PARVA: variants seen among roughly 807,000 people sequenced by gnomAD.
PARVA encodes the protein parvin alpha.
PARVA carries 25 observed loss-of-function variants against 52.6 expected under a neutral mutation model. That is an observed-to-expected ratio of 0.48 (90% CI 0.35 to 0.66). The LOEUF (loss-of-function observed/expected upper bound fraction) is 0.66, where lower values mean the gene tolerates loss of function less well. PARVA is among the 30% of genes least tolerant of loss of function. The pLI is 0.01. For missense variants in PARVA, 373 were observed against 450.9 expected (o/e 0.83, Z 1.56); for synonymous variants, 185 against 179.1 (o/e 1.03, Z -0.26).
At chr11:12,379,850 C>CT (rs1479966049) in intron 1 of PARVA, among the ~76,000 whole-genome samples, 19 of 152,330 alleles carry the variant, frequency 1.2e-4, no homozygotes, top group African/African-American at 4.3e-4. Context: ...TTGGGAAGCT[C>CT]TTTTCTAGAC....
rs780636670 is a variant in PARVA at position 12,504,423 on chromosome 11, G to A, written c.651G>A (p.Val217=). ...LPDHVSIQVV[V]VQKREGILQS... ...ACCATGTTTCCATCCAAGTGGTTGT[G>A]GTCCAGGTAAGACAGGTAACACTAC... Residue 217 remains valine (V), a synonymous_variant, in exon 6 of 13, where the codon GTG becomes GTA. Transcript: ENST00000334956. 1 of 1,605,516 alleles carries A rather than the reference G, an allele frequency of 6.2e-7. No homozygotes were observed. Among genetic ancestry groups the A allele is most frequent in the Non-Finnish European group, 8.5e-7 (1 of 1,172,466 alleles).
At chr11:12,434,045 C>T (rs1589955694) in intron 1 of PARVA, among the ~76,000 whole-genome samples, 1 of 152,152 alleles carries the variant, frequency 6.6e-6, no homozygotes, top group Non-Finnish European at 1.5e-5. Context: ...TGCCTTACCT[C>T]GATGGCTCAG....
chr11:12,486,858 A>C (rs1331494666), intron 4 of PARVA, among the ~76,000 whole-genome samples: 3 of 152,186 alleles, frequency 2.0e-5, no homozygotes, highest in African/African-American at 7.2e-5. Flanking sequence ...AACAATAAAT[A>C]AAATAAAGGA....
chr11:12,527,844 C>A lies in PARVA; in HGVS notation c.1043-5C>A. 1 of 1,606,510 alleles carries A rather than the reference C, an allele frequency of 6.2e-7. No individual in the cohort carries two copies. The highest frequency in any genetic ancestry group is 8.5e-7 in the Non-Finnish European group (1 of 1,175,488). ...AACAATTGGTGTTTTTTGTTTTCTA[C>A]GCAGACATAGTCAACTGTGACCTGA... is the stretch of plus-strand genomic sequence containing the variant. On this transcript the variant is annotated splice_region_variant and splice_polypyrimidine_tract_variant and intron_variant, in intron 12 of 12. Coordinates refer to ENST00000334956, the MANE Select transcript of PARVA (RefSeq NM_018222.5).
chr11:12,377,306 G>C, upstream of PARVA: 1 of 723,918 alleles, frequency 1.4e-6, no homozygotes, highest in South Asian at 2.8e-5. Context: ...TGGGGACAGA[G>C]CCTGGGTAAA....
Position 12,533,888 on chromosome 11 carries a change from G to T in PARVA, c.*5963G>T, listed in dbSNP as rs1453132726. ...GCAGAGGCAGAAAAAAAATCCATGG[G>T]CCGAGCACGGTGGCTCACACCTGTA... On this transcript the variant is annotated 3_prime_UTR_variant, in exon 13 of 13. Transcript: ENST00000334956. Among the ~76,000 whole-genome samples, 3 of 151,912 alleles carry T rather than the reference G, an allele frequency of 2.0e-5. No individual in the cohort carries two copies. Among genetic ancestry groups the T allele is most frequent in the Admixed American group, 6.6e-5 (1 of 15,242 alleles).
At chr11:12,486,235 G>A (rs1191961553) in intron 4 of PARVA, among the ~76,000 whole-genome samples, 1 of 152,158 alleles carries the variant, frequency 6.6e-6, no homozygotes, top group African/African-American at 2.4e-5. Flanking sequence ...AAAATGAAAA[G>A]TCTATTTAAA....
At chr11:12,391,415 T>C (rs541612504) in intron 1 of PARVA, among the ~76,000 whole-genome samples, 5 of 152,306 alleles carry the variant, frequency 3.3e-5, no homozygotes, top group African/African-American at 9.6e-5. Context: ...TTTAAGTAAT[T>C]TGGGCTCCCA....
At chr11:12,412,172 C>T (rs990296337) in intron 1 of PARVA, among the ~76,000 whole-genome samples, 2 of 152,220 alleles carry the variant, frequency 1.3e-5, no homozygotes, top group African/African-American at 4.8e-5. Flanking sequence ...TCTTCCTGTA[C>T]ACTGGAAGCT....
intron 1 of PARVA, among the ~76,000 whole-genome samples, chr11:12,445,705 G>C (rs1940535318): frequency 6.6e-6 from 1 of 152,178 alleles, no homozygotes. Flanking sequence ...ATTGCTTAGA[G>C]TTGATAGGGG....
rs1939965875 is a variant in PARVA, at chr11:12,409,697, C to T, written c.136+31914C>T. Among the ~76,000 whole-genome samples the T allele has an allele frequency of 1.3e-5, 2 of 152,182 alleles. 1 individual carries two copies. Among genetic ancestry groups the T allele is most frequent in the South Asian group, 4.1e-4 (2 of 4,824 alleles). The stretch of plus-strand genomic sequence containing the variant: ...GAAATGGATTCTCCCCTAGAGCCCT[C>T]AGAACGGAATGCAGCCCTGCCAGCA... On this transcript the variant is annotated intron_variant, in intron 1 of 12. Transcript: ENST00000334956.
Position 12,378,732 on chromosome 11 carries a change from A to G in PARVA, c.136+949A>G, listed in dbSNP as rs114202602. Among the ~76,000 whole-genome samples, 492 of 151,624 alleles carry G rather than the reference A, an allele frequency of 3.2e-3. 1 individual carries two copies. Among genetic ancestry groups the G allele is most frequent in the African/African-American group, 0.012 (478 of 41,286 alleles). On this transcript the variant is annotated intron_variant, in intron 1 of 12. Coordinates refer to ENST00000334956, the MANE Select transcript of PARVA (RefSeq NM_018222.5). The stretch of plus-strand genomic sequence containing the variant: ...GTAGATAGAAGTTGCTGAGTTAAAC[A>G]TTTTTGTTTTAAACATTTTTTAGTT...
At chr11:12,431,237 A>T (rs1386131691) in intron 1 of PARVA, among the ~76,000 whole-genome samples, 3 of 152,234 alleles carry the variant, frequency 2.0e-5, no homozygotes, top group African/African-American at 7.2e-5. Flanking sequence ...ATCTAGCAAC[A>T]GCAAGTGCTT....
At position 12,485,143 on chromosome 11, in the gene PARVA, GAA is replaced by G. The variant is rs534215744; in HGVS notation, c.400+7198_400+7199del. ...GGGGCATTTTGAATGGGGCCTTACA[GAA>G]AAAGATTCTCAACCATATGAGGAAG... On this transcript the variant is annotated intron_variant, in intron 4 of 12. Coordinates refer to ENST00000334956, the MANE Select transcript of PARVA (RefSeq NM_018222.5). 1.9e-3 allele frequency among the ~76,000 whole-genome samples: 292 copies of G among 152,276 alleles called. 1 individual carries two copies. Among genetic ancestry groups the G allele is most frequent in the African/African-American group, 6.7e-3 (278 of 41,566 alleles).
At chr11:12,469,593 G>C (rs1225243348) in intron 1 of PARVA, among the ~76,000 whole-genome samples, 6 of 152,184 alleles carry the variant, frequency 3.9e-5, no homozygotes, top group African/African-American at 1.2e-4. Context: ...GCTGTTTTGG[G>C]AAAGTGGCCA....
chr11:12,380,970 T>C (rs1053565630), intron 1 of PARVA, among the ~76,000 whole-genome samples: 4 of 152,214 alleles, frequency 2.6e-5, no homozygotes, highest in African/African-American at 9.7e-5. Flanking sequence ...ATCCCTGTTA[T>C]ATTTCACTGT....
At chr11:12,471,105 A>G (rs779798635) in intron 1 of PARVA, among the ~76,000 whole-genome samples, 3 of 152,238 alleles carry the variant, frequency 2.0e-5, no homozygotes, top group Admixed American at 6.5e-5. Flanking sequence ...GGCGTGAACC[A>G]TGGTGTAAAC....
intron 1 of PARVA, among the ~76,000 whole-genome samples, chr11:12,423,145 C>T (rs1275388644): frequency 1.3e-5 from 2 of 151,560 alleles, no homozygotes; most frequent in African/African-American, 2.4e-5. Flanking sequence ...TGAGCCACCT[C>T]GCCTAGCCAG....
intron 3 of PARVA, among the ~76,000 whole-genome samples, chr11:12,475,164 CTGCTCCCAGCAGCCGATGCG>C (rs954350470): frequency 5.4e-4 from 82 of 152,324 alleles, no homozygotes; most frequent in African/African-American, 1.7e-3. Context: ...GCCAGAACTG[CTGCTCCCAGCAGCCGATGCG>C]TGCTCCCAGC....
Sources: gnomAD v4.1 joint callset for allele counts (sites outside exome capture counted in the v4.1 genomes callset) on GRCh38, gnomAD v4.1.1 for gene constraint, MANE v1.5 for transcripts, NCBI Gene and HGNC (gene_info 2026-07-23, HGNC 2026-07-21) for gene names.